The following PABIR3 variants were observed in gnomAD, a reference collection of about 807,000 sequenced individuals.
The protein encoded by PABIR3 is PABIR family member 3.
A neutral mutation model predicts 23.1 loss-of-function variants in PABIR3; 20 were observed. The observed-to-expected ratio is 0.86, with a 90% CI of 0.61 to 1.26. The LOEUF (loss-of-function observed/expected upper bound fraction) is 1.26, where lower values mean the gene tolerates loss of function less well. PABIR3 is among the 50% of genes most tolerant of loss of function. The probability of loss-of-function intolerance (pLI) is 0.00; values close to 1 mark genes in which losing one functional copy is unlikely to be tolerated. For missense variants in PABIR3, 189 were observed against 195.4 expected (o/e 0.97, Z 0.20); for synonymous variants, 69 against 68.5 (o/e 1.01, Z -0.04).
chrX:134,810,809 T>C (rs1229754180), intron 2 of PABIR3: 1 of 750,788 alleles, frequency 1.3e-6, no homozygotes, highest in African/African-American at 2.3e-5. Context: ...CATATTTCTT[T>C]AGTAGGAATT....
intron 4 of PABIR3, among the ~76,000 whole-genome samples, chrX:134,841,833 AAAAAAT>A (rs1257663079): frequency 1.8e-5 from 2 of 110,569 alleles, no homozygotes; most frequent in South Asian, 3.8e-4. Context: ...TGTCACCAAA[AAAAAAT>A]AAAAATAAAA....
intron 4 of PABIR3, among the ~76,000 whole-genome samples, chrX:134,841,778 G>A (rs1460958668): frequency 1.8e-5 from 2 of 110,344 alleles, no homozygotes; most frequent in African/African-American, 3.3e-5. Context: ...GTACTGAGCC[G>A]AGATCGTGTC....
At chrX:134,804,345 G>T, upstream of PABIR3, 1 of 665,963 alleles carries the variant, frequency 1.5e-6, no homozygotes, top group Non-Finnish European at 2.2e-6. Flanking sequence ...TGCTGTTTTT[G>T]TATTACTTGT....
chrX:134,828,263 G>C (rs1364382507), intron 3 of PABIR3, among the ~76,000 whole-genome samples: 1 of 107,868 alleles, frequency 9.3e-6, no homozygotes, highest in African/African-American at 3.4e-5. Context: ...GCTAATTTTT[G>C]TATTTTTAGT....
At chrX:134,840,206 G>T (rs190956563) in intron 4 of PABIR3, among the ~76,000 whole-genome samples, 11 of 111,050 alleles carry the variant, frequency 9.9e-5, no homozygotes, top group African/African-American at 3.6e-4. Context: ...CAAGTACCCA[G>T]GGACACAAAC....
chrX:134,802,747 A>C (rs2080099629), upstream of PABIR3, among the ~76,000 whole-genome samples: 1 of 112,927 alleles, frequency 8.9e-6, no homozygotes, highest in African/African-American at 3.2e-5. Flanking sequence ...AGGCAGCCAA[A>C]CCTGTTCACA....
At position 134,854,229 on chromosome X, in the gene PABIR3, T is replaced by C. The variant is rs766076948; in HGVS notation, c.*12T>C. 4 of 1,200,071 alleles carry C rather than the reference T, an allele frequency of 3.3e-6. No homozygotes were observed. In the African/African-American group the frequency reaches 5.3e-5, roughly 16 times the overall value. On this transcript the variant is annotated 3_prime_UTR_variant, in exon 11 of 11. Transcript: ENST00000645433. ...CTCATTTGTTCTAGTAGACAAACTT[T>C]CAACTAAATGATTCACCCATCCCAA...
intron 4 of PABIR3, among the ~76,000 whole-genome samples, chrX:134,832,626 T>C (rs1032004946): frequency 1.8e-5 from 2 of 110,235 alleles, no homozygotes; most frequent in Non-Finnish European, 3.8e-5. Context: ...GGTCTCGAAC[T>C]CCTGACCTCA....
intron 4 of PABIR3, among the ~76,000 whole-genome samples, chrX:134,838,219 C>A (rs2082034070): frequency 1.8e-5 from 2 of 112,107 alleles, no homozygotes; most frequent in African/African-American, 6.5e-5. Flanking sequence ...CTGCTGCTTC[C>A]TTCTTCTGTC....
intron 4 of PABIR3, among the ~76,000 whole-genome samples, chrX:134,836,036 C>T (rs1300706871): frequency 8.9e-6 from 1 of 111,775 alleles, no homozygotes; most frequent in Non-Finnish European, 1.9e-5. Flanking sequence ...CGGGGTTTCA[C>T]CATATTGGTC....
intron 6 of PABIR3, among the ~76,000 whole-genome samples, chrX:134,846,912 C>G (rs999017059): frequency 9.8e-5 from 11 of 111,898 alleles, no homozygotes; most frequent in African/African-American, 3.6e-4. Flanking sequence ...TTTTAAAATC[C>G]TGAATTATGA....
chrX:134,805,820 C>A (rs2080205959), upstream of PABIR3, among the ~76,000 whole-genome samples: 1 of 110,460 alleles, frequency 9.1e-6, no homozygotes, highest in South Asian at 3.9e-4. Context: ...TCGCTTGAAC[C>A]AGGGAGGTGG....
downstream of PABIR3, among the ~76,000 whole-genome samples, chrX:134,856,031 A>T (rs1415146939): frequency 9.0e-6 from 1 of 111,455 alleles, no homozygotes; most frequent in African/African-American, 3.3e-5. Context: ...AGTTTCGCAG[A>T]ATGTTCAAGC....
Position 134,807,357 on chromosome X carries a change from A to T in PABIR3, c.-60+16A>T, listed in dbSNP as rs2023187528. The T allele has an allele frequency of 1.0e-6, 1 of 957,633 alleles. No individual in the cohort carries two copies. The highest frequency in any genetic ancestry group is 1.3e-6 in the Non-Finnish European group (1 of 767,440). 78.9% of individuals were successfully genotyped at this position (957,633 alleles called of 1,213,427 possible). On this transcript the variant is annotated intron_variant, in intron 1 of 10. Transcript: ENST00000645433. ...AGACTTGGAGGTGGGGGATCTTCTC[A>T]TCGTTAGAGGCCCCGATCATGGGAG...
chrX:134,853,466 C>A (rs2082704276), intron 10 of PABIR3, among the ~76,000 whole-genome samples: 1 of 111,485 alleles, frequency 9.0e-6, no homozygotes, highest in South Asian at 3.7e-4. Context: ...TAGAGAAATA[C>A]ATAAAAATGC....
intron 2 of PABIR3, 62 bp from the exon 3 acceptor site, chrX:134,814,703 CAAAAAA>C: frequency 2.4e-5 from 15 of 628,754 alleles, no homozygotes; most frequent in Admixed American, 5.3e-5. Flanking sequence ...GACTCCGTCT[CAAAAAA>C]AAAAAAAAAA....
downstream of PABIR3, among the ~76,000 whole-genome samples, chrX:134,855,230 C>A (rs187122284): frequency 9.1e-6 from 1 of 109,943 alleles, no homozygotes; most frequent in East Asian, 2.9e-4. Flanking sequence ...GTCAGGAGAT[C>A]GAGACCATCC....
At chrX:134,821,189 T>C (rs2081269432) in intron 3 of PABIR3, 1 of 573,272 alleles carries the variant, frequency 1.7e-6, no homozygotes. Context: ...TGAAGAGCCA[T>C]GGGTTTTTGT....
intron 2 of PABIR3, chrX:134,809,575 A>G (rs917982983): frequency 1.1e-4 from 82 of 751,808 alleles, no homozygotes; most frequent in Non-Finnish European, 1.2e-4. Flanking sequence ...CATTCACTAC[A>G]TATGTTACTA....
Sources: gnomAD v4.1 joint callset for allele counts (sites outside exome capture counted in the v4.1 genomes callset) on GRCh38, gnomAD v4.1.1 for gene constraint, MANE v1.5 for transcripts, NCBI Gene and HGNC (gene_info 2026-07-23, HGNC 2026-07-21) for gene names.